Variants in SMIM17 observed in about 807,000 individuals in gnomAD.
The protein encoded by SMIM17 is small integral membrane protein 17.
A neutral mutation model predicts 12.2 loss-of-function variants in SMIM17; 10 were observed. The observed-to-expected ratio is 0.82, with a 90% CI of 0.50 to 1.39. The LOEUF is 1.39. SMIM17 is among the 40% of genes most tolerant of loss of function. SMIM17 has a pLI of 0.00. For missense variants in SMIM17, 136 were observed against 118.2 expected, an observed-to-expected ratio of 1.15 and a Z score of -0.70; for synonymous variants, 50 against 44.1, an observed-to-expected ratio of 1.13 and a Z score of -0.53.
rs777243503 is a variant in SMIM17 at position 56,645,659 on chromosome 19, C to T, written c.-9C>T. The T allele has an allele frequency of 4.0e-6, 6 of 1,482,922 alleles. No homozygotes were observed. The highest frequency in any genetic ancestry group is 5.3e-6 in the Non-Finnish European group (6 of 1,122,180). The allele number at this position is 1,482,922 out of a possible 1,614,324, so 91.9% of individuals were successfully genotyped here. Reference sequence around the variant, plus strand: ...GCTTGTCTCAGAAGCTCCACCTCCTCCTGGGGCAATGCAGAGTCTCAGGCC... The same window carrying T: ...GCTTGTCTCAGAAGCTCCACCTCCTTCTGGGGCAATGCAGAGTCTCAGGCC... On this transcript the variant is annotated 5_prime_UTR_variant, in exon 2 of 4. Transcript: ENST00000598409.
intron 3 of SMIM17, among the ~76,000 whole-genome samples, chr19:56,649,193 C>A (rs749914313): frequency 1.3e-5 from 2 of 152,166 alleles, no homozygotes; most frequent in Non-Finnish European, 2.9e-5. Flanking sequence ...GGGAAGGGAA[C>A]AACATGTGCA....
intron 3 of SMIM17, among the ~76,000 whole-genome samples, chr19:56,650,683 G>A (rs565629180): frequency 6.6e-6 from 1 of 152,300 alleles, no homozygotes; most frequent in Non-Finnish European, 1.5e-5. Context: ...TTGGAGGGGA[G>A]GATAGGAGCG....
intron 2 of SMIM17, among the ~76,000 whole-genome samples, 181 bp downstream of exon 2, chr19:56,646,017 A>T (rs190423251): frequency 6.6e-6 from 1 of 152,350 alleles, no homozygotes; most frequent in Admixed American, 6.5e-5. Flanking sequence ...TAAAGCAACA[A>T]TCACTTATCA....
At chr19:56,649,360 CAG>C (rs1370351366) in intron 3 of SMIM17, among the ~76,000 whole-genome samples, 1 of 152,178 alleles carries the variant, frequency 6.6e-6, no homozygotes, top group Non-Finnish European at 1.5e-5. Flanking sequence ...GTTCAATGCA[CAG>C]AGTGTACAAT....
rs953112646 is a variant in SMIM17 at position 56,645,844 on chromosome 19, G to A, written c.169+8G>A. On this transcript the variant is annotated splice_region_variant and intron_variant, in intron 2 of 3. Coordinates refer to ENST00000598409, the MANE Select transcript of SMIM17 (RefSeq NM_001193628.2). ...ATGACAGTGATGAGAAAGGTGAGAG[G>A]CAGGGGTCCTTTGGGAGGTGAGTGG... The A allele has an allele frequency of 3.3e-6, 5 of 1,527,532 alleles. No homozygotes were observed. The Admixed American group carries it at 8.1e-5, about 25-fold the overall frequency. 94.6% of individuals were successfully genotyped at this position (1,527,532 alleles called of 1,614,324 possible).
intron 1 of SMIM17, among the ~76,000 whole-genome samples, chr19:56,644,195 T>A (rs528483638): frequency 2.0e-4 from 31 of 152,050 alleles, no homozygotes; most frequent in African/African-American, 7.0e-4. Context: ...ATTAATTATG[T>A]CTCATATTAA....
intron 3 of SMIM17, among the ~76,000 whole-genome samples, chr19:56,648,375 T>TTCCAACCA (rs1555778400): frequency 6.8e-6 from 1 of 146,242 alleles, no homozygotes; most frequent in African/African-American, 2.5e-5. Context: ...CATATACCCA[T>TTCCAACCA]TCCATCCATC....
At chr19:56,651,446 G>A (rs2045108646) in intron 3 of SMIM17, among the ~76,000 whole-genome samples, 1 of 152,168 alleles carries the variant, frequency 6.6e-6, no homozygotes, top group Admixed American at 6.5e-5. Flanking sequence ...CTTTCCGGGA[G>A]GGCAGAAGTT....
chr19:56,643,840 C>T lies in SMIM17; in HGVS notation c.-101+630C>T, dbSNP rs1339690574. Among the ~76,000 whole-genome samples the T allele has an allele frequency of 2.6e-5, 4 of 152,182 alleles. No homozygotes were observed. In the East Asian group the frequency reaches 7.7e-4, roughly 29 times the overall value. On this transcript the variant is annotated intron_variant, in intron 1 of 3. Transcript: ENST00000598409. ...TATGTGAGAAAAGGGATTCGCAGGG[C>T]TCAGCAGGGCTGGGCACAAGGAGAG...
At chr19:56,653,482 T>C (rs919214308) in intron 3 of SMIM17, among the ~76,000 whole-genome samples, 8 of 152,240 alleles carry the variant, frequency 5.3e-5, no homozygotes, top group African/African-American at 1.9e-4. Flanking sequence ...CCTTGGGTGA[T>C]GAATTGCTAG....
At chr19:56,648,863 A>T (rs772203700) in intron 3 of SMIM17, among the ~76,000 whole-genome samples, 3 of 152,226 alleles carry the variant, frequency 2.0e-5, no homozygotes, top group South Asian at 2.1e-4. Context: ...TTATACATTC[A>T]TCTCATACAT....
intron 2 of SMIM17, among the ~76,000 whole-genome samples, chr19:56,646,231 T>A (rs550678986): frequency 9.3e-4 from 141 of 152,254 alleles, no homozygotes; most frequent in African/African-American, 3.3e-3. Context: ...TTTTCAGGGT[T>A]ATCCTCATGG....
At chr19:56,650,669 G>A (rs2045102092) in intron 3 of SMIM17, among the ~76,000 whole-genome samples, 3 of 152,166 alleles carry the variant, frequency 2.0e-5, no homozygotes, top group Admixed American at 6.5e-5. Flanking sequence ...CATAGAGTTT[G>A]GGCTTGGAGG....
At chr19:56,648,433 C>T (rs895608619) in intron 3 of SMIM17, among the ~76,000 whole-genome samples, 1 of 152,120 alleles carries the variant, frequency 6.6e-6, no homozygotes, top group African/African-American at 2.4e-5. Flanking sequence ...ATCCATATAT[C>T]CAGTTATCCA....
chr19:56,652,229 T>C (rs1203231091), intron 3 of SMIM17, among the ~76,000 whole-genome samples: 1 of 151,826 alleles, frequency 6.6e-6, no homozygotes, highest in Non-Finnish European at 1.5e-5. Context: ...AGGGTTGTGC[T>C]CTCAGGTGAA....
Position 56,645,617 on chromosome 19 carries a change from C to A in SMIM17, c.-51C>A. 1 of 1,426,266 alleles carries A rather than the reference C, an allele frequency of 7.0e-7. No individual in the cohort carries two copies. The highest frequency in any genetic ancestry group is 1.5e-5 in the South Asian group (1 of 67,012). The allele number at this position is 1,426,266 out of a possible 1,614,324, so 88.4% of individuals were successfully genotyped here. A position where few individuals can be genotyped will look rare whatever the true frequency, so the allele number is the denominator to read the frequency against. ...TGGAGAACCAGAGAGGACCCTGGAG[C>A]AGGAGGAGAAAGAGAAGCTTGTCTC... On this transcript the variant is annotated 5_prime_UTR_variant, in exon 2 of 4. Transcript: ENST00000598409.
rs538153367 is a variant in SMIM17, at chr19:56,648,474, T to C, written c.246+840T>C. 1.1e-4 allele frequency among the ~76,000 whole-genome samples: 16 copies of C among 152,280 alleles called. No individual in the cohort carries two copies. The South Asian group carries it at 3.3e-3, about 32-fold the overall frequency. ...ATACTCATTCACCCTTTTATTCAGATGCCATCAATCCATCTGTTCAATCCA... is the reference window on the plus strand; with the variant it reads ...ATACTCATTCACCCTTTTATTCAGACGCCATCAATCCATCTGTTCAATCCA... On this transcript the variant is annotated intron_variant, in intron 3 of 3. Transcript: ENST00000598409.
chr19:56,656,816 A>C lies in SMIM17; in HGVS notation c.*1603A>C, dbSNP rs2045155128. Among the ~76,000 whole-genome samples the C allele has an allele frequency of 6.6e-6, 1 of 152,246 alleles. No individual in the cohort carries two copies. Among genetic ancestry groups the C allele is most frequent in the Non-Finnish European group, 1.5e-5 (1 of 68,042 alleles). On this transcript the variant is annotated 3_prime_UTR_variant, in exon 4 of 4. Transcript: ENST00000598409. ...TGTTTTACTGCACTGTGAACACAGA[A>C]TGTGGCCTATAACACATCTGCTTCC...
In SMIM17 at chr19:56,653,029, T is replaced by C. The variant is rs141712832; in HGVS notation, c.247-2074T>C. ...TTATTACATTTTCTTAACTTTATAT[T>C]CTGCTTTTCAAAATTGAAGTATAAT... On this transcript the variant is annotated intron_variant, in intron 3 of 3. Transcript: ENST00000598409. Among the ~76,000 whole-genome samples, 809 of 152,344 alleles carry C rather than the reference T, an allele frequency of 5.3e-3. 13 individuals carry two copies. The highest frequency in any genetic ancestry group is 0.017 in the African/African-American group (703 of 41,580).
Sources: allele counts gnomAD v4.1 joint callset (sites outside exome capture counted in the v4.1 genomes callset), GRCh38; gene constraint gnomAD v4.1.1; transcripts MANE v1.5; gene names NCBI Gene and HGNC (gene_info 2026-07-23, HGNC 2026-07-21).